Variants in IMMP2L observed in about 807,000 individuals in gnomAD.
IMMP2L encodes mitochondrial inner membrane protease subunit 2.
A neutral mutation model predicts 19.3 loss-of-function variants in IMMP2L; 18 were observed. The ratio of observed to expected loss-of-function variants is 0.93; its 90% CI spans 0.64 to 1.38. The LOEUF is 1.38. Among genes scored for constraint, IMMP2L ranks in the 40% most tolerant of loss-of-function variants. The pLI, the probability that IMMP2L is intolerant of heterozygous loss-of-function variation, is 0.00. For synonymous variants in IMMP2L, 76 were observed against 73.0 expected (o/e 1.04, Z -0.21); for missense variants, 233 against 218.2 (o/e 1.07, Z -0.43).
intron 5 of IMMP2L, among the ~76,000 whole-genome samples, chr7:110,742,931 T>C (rs1197149758): frequency 6.6e-6 from 1 of 152,148 alleles, no homozygotes; most frequent in Non-Finnish European, 1.5e-5. Flanking sequence ...CTACGTACAT[T>C]ACGCTGATAA....
At chr7:111,115,119 A>G (rs1307923394) in intron 3 of IMMP2L, among the ~76,000 whole-genome samples, 2 of 152,170 alleles carry the variant, frequency 1.3e-5, no homozygotes, top group Admixed American at 1.3e-4. Flanking sequence ...GGGACCATAT[A>G]AATGCTAAAT....
At chr7:111,426,079 T>C (rs548447698) in intron 3 of IMMP2L, among the ~76,000 whole-genome samples, 13 of 151,090 alleles carry the variant, frequency 8.6e-5, no homozygotes, top group South Asian at 2.1e-4. Context: ...TTTTGCCAGA[T>C]TGGGTACAGG....
At chr7:111,397,809 G>C (rs1426497682) in intron 3 of IMMP2L, among the ~76,000 whole-genome samples, 1 of 151,972 alleles carries the variant, frequency 6.6e-6, no homozygotes, top group African/African-American at 2.4e-5. Flanking sequence ...TACTTTTCCA[G>C]GTTCTCATTC....
chr7:110,787,865 A>AAAC (rs2131126099), intron 5 of IMMP2L, among the ~76,000 whole-genome samples: 1 of 152,030 alleles, frequency 6.6e-6, no homozygotes, highest in African/African-American at 2.4e-5. Flanking sequence ...GACAAAAAAA[A>AAAC]CAGATTAAGA....
At chr7:111,163,299 G>A (rs952551041) in intron 3 of IMMP2L, among the ~76,000 whole-genome samples, 7 of 151,946 alleles carry the variant, frequency 4.6e-5, no homozygotes, top group African/African-American at 1.7e-4. Flanking sequence ...TCATCACATA[G>A]ACCAACCCCT....
intron 5 of IMMP2L, among the ~76,000 whole-genome samples, chr7:110,847,477 T>G (rs1046266164): frequency 1.3e-5 from 2 of 152,200 alleles, no homozygotes; most frequent in African/African-American, 2.4e-5. Flanking sequence ...TAGCATTACT[T>G]TGTCTAGCTA....
intron 3 of IMMP2L, among the ~76,000 whole-genome samples, chr7:111,128,958 A>G (rs1321394057): frequency 1.3e-5 from 2 of 152,232 alleles, no homozygotes; most frequent in Non-Finnish European, 2.9e-5. Context: ...AGCATAGACA[A>G]AATGTCTACA....
chr7:111,522,685 G>C (rs1039315039), intron 1 of IMMP2L, among the ~76,000 whole-genome samples: 1 of 151,912 alleles, frequency 6.6e-6, no homozygotes, highest in Non-Finnish European at 1.5e-5. Flanking sequence ...TCTGTTTATG[G>C]GAATGTAAAT....
At chr7:110,706,997 T>TTTC (rs1794738357) in intron 5 of IMMP2L, among the ~76,000 whole-genome samples, 1 of 52,726 alleles carries the variant, frequency 1.9e-5, no homozygotes, top group Admixed American at 2.0e-4. Flanking sequence ...TTAAATTTTT[T>TTTC]TTTTTAATTT....
intron 5 of IMMP2L, among the ~76,000 whole-genome samples, chr7:110,847,825 A>G (rs747320972): frequency 5.3e-5 from 8 of 152,178 alleles, no homozygotes; most frequent in Non-Finnish European, 7.4e-5. Context: ...TTTTCAAAAA[A>G]TAGTGCTGGA....
chr7:111,150,910 C>A (rs1586584417), intron 3 of IMMP2L, among the ~76,000 whole-genome samples: 1 of 152,290 alleles, frequency 6.6e-6, no homozygotes, highest in Middle Eastern at 3.4e-3. Context: ...TAGCCACAGT[C>A]CATTCCTGAT....
chr7:111,481,663 G>A lies in IMMP2L; in HGVS notation c.239+5575C>T, dbSNP rs191988984. ...CTCTGCCTTTGGACCTGATCACTCC[G>A]ACACTCTTACCAACACCAGGTGTTT... On this transcript the variant is annotated intron_variant, in intron 3 of 5. Coordinates refer to ENST00000405709, the MANE Select transcript of IMMP2L (RefSeq NM_032549.4). Among the ~76,000 whole-genome samples the A allele has an allele frequency of 4.2e-4, 63 of 151,004 alleles. No homozygotes were observed. In the South Asian group the frequency reaches 4.6e-3, roughly 11 times the overall value.
chr7:111,041,244 C>T (rs544864174), intron 3 of IMMP2L, among the ~76,000 whole-genome samples: 88 of 151,954 alleles, frequency 5.8e-4, no homozygotes, highest in Admixed American at 1.4e-3. Context: ...TGAAACTAAA[C>T]TTAGCTGAGG....
At chr7:111,385,804 A>G (rs1026491939) in intron 3 of IMMP2L, among the ~76,000 whole-genome samples, 1 of 152,168 alleles carries the variant, frequency 6.6e-6, no homozygotes, top group Non-Finnish European at 1.5e-5. Context: ...ATCTTTTCCA[A>G]TGAAATATGT....
intron 3 of IMMP2L, among the ~76,000 whole-genome samples, chr7:111,224,743 A>G (rs1201071346): frequency 1.3e-5 from 2 of 152,088 alleles, no homozygotes; most frequent in Non-Finnish European, 2.9e-5. Flanking sequence ...ATATGTTAAT[A>G]TTTTCACAGA....
intron 3 of IMMP2L, among the ~76,000 whole-genome samples, chr7:110,999,886 TG>T (rs1417640807): frequency 6.6e-6 from 1 of 152,098 alleles, no homozygotes; most frequent in African/African-American, 2.4e-5. Context: ...TACTAAAGCA[TG>T]GTGGAGGGAA....
chr7:111,461,587 T>C (rs1165353322), intron 3 of IMMP2L, among the ~76,000 whole-genome samples: 4 of 152,090 alleles, frequency 2.6e-5, no homozygotes, highest in Admixed American at 6.6e-5. Flanking sequence ...TGTTTGTACA[T>C]TGACTTTGGC....
At chr7:110,686,723 T>C (rs1793141256) in intron 5 of IMMP2L, among the ~76,000 whole-genome samples, 1 of 152,040 alleles carries the variant, frequency 6.6e-6, no homozygotes, top group Non-Finnish European at 1.5e-5. Flanking sequence ...GCTCCTTCCA[T>C]CCTCACTGCC....
rs1476904524 is a variant in IMMP2L at position 111,281,263 on chromosome 7, GAGAGAGAA to G, written c.239+205967_239+205974del. 6.8e-3 allele frequency among the ~76,000 whole-genome samples: 902 copies of G among 133,244 alleles called. 19 individuals carry two copies. The highest frequency in any genetic ancestry group is 0.036 in the Middle Eastern group (10 of 274). The allele number at this position is 133,244 out of a possible 152,430, so 87.4% of individuals were successfully genotyped here. ...AAGAAAGAAGAGAGAGAGAGAAAGA[GAGAGAGAA>G]AGAAAGAGAAGGAAAGAAAGAAGGA... On this transcript the variant is annotated intron_variant, in intron 3 of 5. Transcript: ENST00000405709.
Sources: gnomAD v4.1 joint callset for allele counts (sites outside exome capture counted in the v4.1 genomes callset) on GRCh38, gnomAD v4.1.1 for gene constraint, MANE v1.5 for transcripts, NCBI Gene and HGNC (gene_info 2026-07-23, HGNC 2026-07-21) for gene names.